The following NKAIN3 variants were observed in gnomAD, a reference collection of about 807,000 sequenced individuals.
NKAIN3 encodes sodium/potassium transporting ATPase interacting 3.
A neutral mutation model predicts 30.2 loss-of-function variants in NKAIN3; 25 were observed. That is an observed-to-expected ratio of 0.83 (90% confidence interval 0.60 to 1.16). The LOEUF is 1.16. Ranked by LOEUF, NKAIN3 falls within the 50% of genes most tolerant of loss-of-function variation. NKAIN3 has a pLI of 0.00. For missense variants in NKAIN3, 225 were observed against 254.1 expected (o/e 0.89, Z 0.78); for synonymous variants, 91 against 89.6 (o/e 1.02, Z -0.09).
intron 4 of NKAIN3, among the ~76,000 whole-genome samples, chr8:62,858,745 G>A (rs1820141779): frequency 6.6e-6 from 1 of 152,222 alleles, no homozygotes; most frequent in African/African-American, 2.4e-5. Flanking sequence ...AGCAGAGATG[G>A]CAGCCTGCCC....
chr8:62,737,354 C>T (rs1482348643), intron 3 of NKAIN3, among the ~76,000 whole-genome samples: 1 of 152,198 alleles, frequency 6.6e-6, no homozygotes, highest in East Asian at 1.9e-4. Context: ...CTTTGACTAA[C>T]TTTCTCATAT....
chr8:62,507,648 A>G (rs1807684601), intron 1 of NKAIN3, among the ~76,000 whole-genome samples: 1 of 152,178 alleles, frequency 6.6e-6, no homozygotes, highest in Non-Finnish European at 1.5e-5. Flanking sequence ...TGTAAAAAAA[A>G]TGGTATCCCA....
At chr8:62,629,730 T>C (rs748632645) in intron 3 of NKAIN3, among the ~76,000 whole-genome samples, 2 of 152,174 alleles carry the variant, frequency 1.3e-5, no homozygotes, top group Non-Finnish European at 2.9e-5. Flanking sequence ...TGTTGAACTA[T>C]GATGAACCCA....
chr8:62,855,765 G>C, intron 4 of NKAIN3: 1 of 1,177,872 alleles, frequency 8.5e-7, no homozygotes, highest in South Asian at 1.2e-5. Flanking sequence ...ATGACTTTCA[G>C]TAAAGGGCAT....
At chr8:62,889,424 A>C (rs1235203019) in intron 4 of NKAIN3, among the ~76,000 whole-genome samples, 1 of 152,094 alleles carries the variant, frequency 6.6e-6, no homozygotes, top group South Asian at 2.1e-4. Flanking sequence ...GTTGAACATC[A>C]TAAGAGGTCC....
chr8:62,856,404 C>A, intron 4 of NKAIN3: 1 of 801,240 alleles, frequency 1.2e-6, no homozygotes, highest in Non-Finnish European at 2.3e-6. Flanking sequence ...CAAAGTGAAC[C>A]CTGAGGTCCT....
chr8:62,584,121 G>A (rs1810398431), intron 2 of NKAIN3, among the ~76,000 whole-genome samples: 1 of 152,140 alleles, frequency 6.6e-6, no homozygotes, highest in Admixed American at 6.5e-5. Context: ...AATCCATACT[G>A]ACTTTTCACT....
At chr8:62,489,621 A>G (rs1807008999) in intron 1 of NKAIN3, among the ~76,000 whole-genome samples, 1 of 152,366 alleles carries the variant, frequency 6.6e-6, no homozygotes, top group Non-Finnish European at 1.5e-5. Flanking sequence ...AAAACAGCAT[A>G]TTTAAAAGAG....
intron 1 of NKAIN3, among the ~76,000 whole-genome samples, chr8:62,456,159 C>T (rs770829750): frequency 6.6e-6 from 1 of 152,080 alleles, no homozygotes; most frequent in Non-Finnish European, 1.5e-5. Context: ...TCACAGTTGG[C>T]CACGAGTAAC....
At chr8:62,755,111 C>T (rs1168693481) in intron 4 of NKAIN3, among the ~76,000 whole-genome samples, 2 of 152,148 alleles carry the variant, frequency 1.3e-5, no homozygotes, top group East Asian at 1.9e-4. Flanking sequence ...CAAAATGACC[C>T]ATGAGGGTAG....
intron 1 of NKAIN3, among the ~76,000 whole-genome samples, chr8:62,537,072 G>A (rs1808687672): frequency 6.6e-6 from 1 of 152,164 alleles, no homozygotes; most frequent in Admixed American, 6.5e-5. Context: ...AGAAAGAAAA[G>A]ACAACCAGTT....
intron 4 of NKAIN3, among the ~76,000 whole-genome samples, chr8:62,801,691 G>A (rs955977366): frequency 3.9e-5 from 6 of 152,176 alleles, no homozygotes; most frequent in African/African-American, 1.4e-4. Context: ...GAAAAACTGG[G>A]AACTCTAAAG....
chr8:62,257,923 AT>A (rs1812311016), intron 1 of NKAIN3, among the ~76,000 whole-genome samples: 2 of 152,000 alleles, frequency 1.3e-5, no homozygotes, highest in Admixed American at 6.6e-5. Context: ...CTAGTCCTTT[AT>A]TTTCCTTAGG....
chr8:62,963,172 C>A (rs559889241), intron 6 of NKAIN3, among the ~76,000 whole-genome samples: 177 of 152,264 alleles, frequency 1.2e-3, no homozygotes, highest in African/African-American at 4.0e-3. Context: ...AGGTTACAGG[C>A]GTGAGCCACT....
rs1823996500 is a variant in NKAIN3 at position 62,978,535 on chromosome 8, C to G, written c.*13128C>G. 2 of 152,298 alleles carry G rather than the reference C, an allele frequency of 1.3e-5. No individual in the cohort carries two copies. The allele number at this position is 152,298 out of a possible 1,614,324, so 9.4% of individuals were successfully genotyped here. A position where few individuals can be genotyped will look rare whatever the true frequency, so the allele number is the denominator to read the frequency against. On this transcript the variant is annotated 3_prime_UTR_variant, in exon 7 of 7. Transcript: ENST00000623646. ...CACTGTGAGGGGAAAACTGCCTACTCAAGCCTCAGTAATGGCAGATACCTC... is the reference window on the plus strand; with the variant it reads ...CACTGTGAGGGGAAAACTGCCTACTGAAGCCTCAGTAATGGCAGATACCTC...
chr8:62,433,786 A>G (rs964153232), intron 1 of NKAIN3, among the ~76,000 whole-genome samples: 2 of 152,114 alleles, frequency 1.3e-5, no homozygotes, highest in African/African-American at 4.8e-5. Flanking sequence ...AGGAGTTGGA[A>G]ACTTCCCTGG....
chr8:62,921,759 C>T (rs1392793242), intron 5 of NKAIN3, among the ~76,000 whole-genome samples: 1 of 152,100 alleles, frequency 6.6e-6, no homozygotes, highest in African/African-American at 2.4e-5. Context: ...AGACTAGAAT[C>T]TCTGGAATCA....
At chr8:62,303,941 C>T (rs1042699951) in intron 1 of NKAIN3, among the ~76,000 whole-genome samples, 6 of 150,460 alleles carry the variant, frequency 4.0e-5, no homozygotes, top group African/African-American at 7.5e-5. Context: ...CATCTAATTT[C>T]GATTTTGAAA....
rs558788030 is a variant in NKAIN3 at position 62,687,552 on chromosome 8, A to G, written c.274-59380A>G. ...TACTCAGGATTTTACCTGAAAACAG[A>G]TGTGTTCTCTTGTATTCCCAAGCCC... On this transcript the variant is annotated intron_variant, in intron 3 of 6. Transcript: ENST00000623646. Among the ~76,000 whole-genome samples, 3 of 152,256 alleles carry G rather than the reference A, an allele frequency of 2.0e-5. No individual in the cohort carries two copies. In the South Asian group the frequency reaches 6.2e-4, roughly 32 times the overall value.
Sources: allele counts gnomAD v4.1 joint callset (sites outside exome capture counted in the v4.1 genomes callset), GRCh38; gene constraint gnomAD v4.1.1; transcripts MANE v1.5; gene names NCBI Gene and HGNC (gene_info 2026-07-23, HGNC 2026-07-21).